KLHL20: variants seen among roughly 807,000 people sequenced by gnomAD.
The protein encoded by KLHL20 is kelch like family member 20, also known as kelch-like protein 20.
A neutral mutation model predicts 69.5 loss-of-function variants in KLHL20; 29 were observed. That is an observed-to-expected ratio of 0.42 (90% CI 0.31 to 0.57). The LOEUF (loss-of-function observed/expected upper bound fraction) is 0.57. Among genes scored for constraint, KLHL20 ranks in the 20% least tolerant of loss-of-function variants. The pLI is 0.18. For missense variants in KLHL20, 419 were observed against 776.0 expected, an observed-to-expected ratio of 0.54 and a Z score of 5.47; for synonymous variants, 253 against 265.2, an observed-to-expected ratio of 0.95 and a Z score of 0.45.
At chr1:173,769,330 G>C (rs1647936207) in intron 8 of KLHL20, among the ~76,000 whole-genome samples, 1 of 152,086 alleles carries the variant, frequency 6.6e-6, no homozygotes, top group Admixed American at 6.6e-5. Flanking sequence ...CTGAGTTAGA[G>C]CCATCTAGTC....
At chr1:173,726,885 A>T (rs1671995055) in intron 2 of KLHL20, among the ~76,000 whole-genome samples, 1 of 152,220 alleles carries the variant, frequency 6.6e-6, no homozygotes, top group South Asian at 2.1e-4. Flanking sequence ...GCAACGGAAC[A>T]AAGCTGGACG....
chr1:173,731,323 T>A (rs910078518), intron 2 of KLHL20, among the ~76,000 whole-genome samples: 1 of 152,154 alleles, frequency 6.6e-6, no homozygotes, highest in Non-Finnish European at 1.5e-5. Flanking sequence ...TCCTCAGGGA[T>A]CTAGAACTAG....
intron 2 of KLHL20, among the ~76,000 whole-genome samples, chr1:173,730,104 G>A (rs1672187674): frequency 6.6e-6 from 1 of 152,150 alleles, no homozygotes; most frequent in Non-Finnish European, 1.5e-5. Context: ...AATCATGAGT[G>A]AACTCCCATT....
In KLHL20 at chr1:173,736,843, G is replaced by A. The variant is rs564227081; in HGVS notation, c.597+2557G>A. Among the ~76,000 whole-genome samples, 16 of 152,184 alleles carry A rather than the reference G, an allele frequency of 1.1e-4. 1 individual carries two copies. The South Asian group carries it at 1.9e-3, about 18-fold the overall frequency. On this transcript the variant is annotated intron_variant, in intron 3 of 11. Coordinates refer to ENST00000209884, the MANE Select transcript of KLHL20 (RefSeq NM_014458.4). Reference sequence around the variant, plus strand: ...ACTCCTGACCTCAGGTGATCTGCCCGCCTTGGCCTCCCAAAGTGCTGGGAT... The same window carrying A: ...ACTCCTGACCTCAGGTGATCTGCCCACCTTGGCCTCCCAAAGTGCTGGGAT...
Position 173,746,394 on chromosome 1 carries a change from A to G in KLHL20, c.598-5370A>G, listed in dbSNP as rs188944935. ...ATAGAATTTCCCTCTGAAATCATCTAGGCTTCGTGCTTTTTTGTAAAGTAA... is the reference window on the plus strand; with the variant it reads ...ATAGAATTTCCCTCTGAAATCATCTGGGCTTCGTGCTTTTTTGTAAAGTAA... On this transcript the variant is annotated intron_variant, in intron 3 of 11. Coordinates refer to ENST00000209884, the MANE Select transcript of KLHL20 (RefSeq NM_014458.4). Among the ~76,000 whole-genome samples, 4 of 152,328 alleles carry G rather than the reference A, an allele frequency of 2.6e-5. No individual in the cohort carries two copies. In the East Asian group the frequency reaches 7.7e-4, roughly 29 times the overall value.
Position 173,751,885 on chromosome 1 carries a change from A to G in KLHL20, c.719A>G (p.Lys240Arg), listed in dbSNP as rs1225138113. The G allele has an allele frequency of 6.2e-7, 1 of 1,614,024 alleles. No homozygotes were observed. Among genetic ancestry groups the G allele is most frequent in the African/African-American group, 1.3e-5 (1 of 74,936 alleles). ...QVFNAVMAWV[K>R]YSIQERRPQL... ...TTCAATGCAGTGATGGCCTGGGTCA[A>G]ATACAGTATTCAGGAAAGACGTCCT... Residue 240 changes from lysine to arginine, a missense_variant, in exon 4 of 12, where the codon AAA becomes AGA. Lys to Arg is a conservative substitution (Grantham distance 26, BLOSUM62 2). Around this residue, in one of 6 missense-constraint regions of KLHL20, gnomAD observed 99 missense variants for 240.7 expected, o/e 0.41. Transcript: ENST00000209884.
intron 2 of KLHL20, among the ~76,000 whole-genome samples, chr1:173,730,059 T>C (rs1672182897): frequency 6.6e-6 from 1 of 151,454 alleles, no homozygotes; most frequent in Non-Finnish European, 1.5e-5. Flanking sequence ...ATCACAAGGA[T>C]TCTTATACAC....
chr1:173,763,817 A>C (rs187543983), intron 7 of KLHL20, among the ~76,000 whole-genome samples: 10 of 150,654 alleles, frequency 6.6e-5, no homozygotes, highest in African/African-American at 2.4e-4. Flanking sequence ...CCCTCTTGAC[A>C]TTGGCTTAGG....
chr1:173,739,961 C>T (rs1166179374), intron 3 of KLHL20, among the ~76,000 whole-genome samples: 1 of 151,514 alleles, frequency 6.6e-6, no homozygotes, highest in East Asian at 2.0e-4. Flanking sequence ...TCTAATTGAG[C>T]TTATTTGGAT....
intron 9 of KLHL20, among the ~76,000 whole-genome samples, chr1:173,775,293 T>C (rs1043949029): frequency 3.3e-5 from 5 of 152,206 alleles, no homozygotes; most frequent in African/African-American, 1.2e-4. Flanking sequence ...AAATTGTTAG[T>C]ACTGAATGGT....
At chr1:173,761,333 G>A (rs1330552664) in intron 7 of KLHL20, among the ~76,000 whole-genome samples, 1 of 152,042 alleles carries the variant, frequency 6.6e-6, no homozygotes, top group Admixed American at 6.6e-5. Context: ...GTCATCAAGA[G>A]GGAAATTCAA....
intron 2 of KLHL20, among the ~76,000 whole-genome samples, chr1:173,727,289 G>T (rs1038245837): frequency 2.0e-5 from 3 of 152,058 alleles, no homozygotes; most frequent in African/African-American, 4.8e-5. Context: ...GTACCTGAAA[G>T]TGACGGGGAG....
chr1:173,738,074 T>C (rs1311890592), intron 3 of KLHL20, among the ~76,000 whole-genome samples: 1 of 152,194 alleles, frequency 6.6e-6, no homozygotes, highest in African/African-American at 2.4e-5. Context: ...CCTGAAACTT[T>C]ACTGAATTCA....
intron 7 of KLHL20, among the ~76,000 whole-genome samples, chr1:173,757,899 C>T (rs1673624375): frequency 6.6e-6 from 1 of 152,126 alleles, no homozygotes; most frequent in Non-Finnish European, 1.5e-5. Flanking sequence ...TTGGGAATCT[C>T]TAGTAACTGA....
intron 5 of KLHL20, among the ~76,000 whole-genome samples, chr1:173,754,021 C>G (rs1673424844): frequency 6.6e-6 from 1 of 151,914 alleles, no homozygotes; most frequent in East Asian, 1.9e-4. Flanking sequence ...AGAGAAAATC[C>G]ATACTCAGAA....
At chr1:173,771,600 ATATATG>A (rs1648095900) in intron 8 of KLHL20, among the ~76,000 whole-genome samples, 4 of 152,100 alleles carry the variant, frequency 2.6e-5, no homozygotes, top group African/African-American at 4.8e-5. Context: ...TTAAAAATGT[ATATATG>A]TATATTTTTT....
At chr1:173,736,841 C>T (rs536520143) in intron 3 of KLHL20, among the ~76,000 whole-genome samples, 1 of 152,126 alleles carries the variant, frequency 6.6e-6, no homozygotes, top group Non-Finnish European at 1.5e-5. Context: ...GGTGATCTGC[C>T]CGCCTTGGCC....
At chr1:173,743,599 C>A (rs1672931544) in intron 3 of KLHL20, among the ~76,000 whole-genome samples, 1 of 150,404 alleles carries the variant, frequency 6.6e-6, no homozygotes, top group Non-Finnish European at 1.5e-5. Flanking sequence ...TTTTCTTAAC[C>A]CGTATTCATT....
Position 173,774,431 on chromosome 1 carries a change from C to A in KLHL20, c.1422C>A (p.Leu474=). 6.2e-7 allele frequency: 1 copy of A among 1,614,092 alleles called. No individual in the cohort carries two copies. Among genetic ancestry groups the A allele is most frequent in the Non-Finnish European group, 8.5e-7 (1 of 1,180,006 alleles). ...AVGGSDGTSP[L]NTVERYNPQE... ...GTGGCTCTGACGGGACATCTCCTCT[C>A]AACACAGGTTAGTCCCTCCCAAAGG... is the stretch of plus-strand genomic sequence containing the variant. The change falls in exon 9 of 12, where the codon CTC becomes CTA. Residue 474 remains leucine (L), a synonymous_variant. Coordinates refer to ENST00000209884, the MANE Select transcript of KLHL20 (RefSeq NM_014458.4).
Sources: gnomAD v4.1 joint callset for allele counts (sites outside exome capture counted in the v4.1 genomes callset) on GRCh38, gnomAD v4.1.1 for gene constraint, gnomAD v4.1.1 regional missense constraint, MANE v1.5 for transcripts, NCBI Gene and HGNC (gene_info 2026-07-23, HGNC 2026-07-21) for gene names.